SLC16A7: variants seen among roughly 807,000 people sequenced by gnomAD.
The protein encoded by SLC16A7 is solute carrier family 16 member 7.
In SLC16A7, 33 loss-of-function variants were observed where a neutral mutation model predicts 34.9. The observed-to-expected ratio is 0.94, with a 90% CI of 0.72 to 1.26. The LOEUF is 1.26. Ranked by LOEUF, SLC16A7 falls within the 50% of genes most tolerant of loss-of-function variation. The pLI, the probability that SLC16A7 is intolerant of heterozygous loss-of-function variation, is 0.00. For missense variants in SLC16A7, 573 were observed against 578.1 expected, an observed-to-expected ratio of 0.99 and a Z score of 0.09; for synonymous variants, 201 against 206.6, an observed-to-expected ratio of 0.97 and a Z score of 0.23.
intron 3 of SLC16A7, among the ~76,000 whole-genome samples, chr12:59,752,605 T>C (rs1377083171): frequency 6.6e-6 from 1 of 151,794 alleles, no homozygotes; most frequent in Non-Finnish European, 1.5e-5. Context: ...TGGGACTATG[T>C]GAAAAGACCA....
In SLC16A7 at chr12:59,769,746, T is replaced by C. The variant is rs897969299; in HGVS notation, c.218-1473T>C. Among the ~76,000 whole-genome samples, 10 of 152,122 alleles carry C rather than the reference T, an allele frequency of 6.6e-5. No individual in the cohort carries two copies. The South Asian group carries it at 1.2e-3, about 19-fold the overall frequency. ...TTGATAAGTGAATCTCAATGTGTTT[T>C]ATATATGATCCATGTAAAAATTCTC... is the stretch of plus-strand genomic sequence containing the variant. On this transcript the variant is annotated intron_variant, in intron 3 of 5. Transcript: ENST00000547379.
chr12:59,647,655 G>T (rs1343015267), intron 1 of SLC16A7, among the ~76,000 whole-genome samples: 1 of 152,132 alleles, frequency 6.6e-6, no homozygotes, highest in Non-Finnish European at 1.5e-5. Context: ...AGAAGAAAAT[G>T]AATGAAGGAC....
Position 59,779,488 on chromosome 12 carries a change from G to A in SLC16A7, c.1246G>A (p.Ala416Thr). ...CATGTCCTGTGGGGCTATTGTGGTA[G>A]CAGCAAGCGTGTGGCTGCTCATTGG... ...MYMSCGAIVV[A>T]ASVWLLIGNA... Residue 416 changes from alanine (A) to threonine (T), a missense_variant, in exon 6 of 6, where the codon GCA becomes ACA. By Grantham distance (58) the Ala-to-Thr change is moderately conservative (BLOSUM62 0). Transcript: ENST00000547379. 2 of 1,612,410 alleles carry A rather than the reference G, an allele frequency of 1.2e-6. No individual in the cohort carries two copies. The highest frequency in any genetic ancestry group is 1.1e-5 in the South Asian group (1 of 91,040).
intron 2 of SLC16A7, among the ~76,000 whole-genome samples, chr12:59,669,276 A>T (rs1869470099): frequency 6.6e-6 from 1 of 152,244 alleles, no homozygotes; most frequent in Non-Finnish European, 1.5e-5. Context: ...AACAATCCAC[A>T]TACAATTTGA....
chr12:59,769,453 C>A (rs1242311834), intron 3 of SLC16A7: 1 of 152,038 alleles, frequency 6.6e-6, no homozygotes, highest in Non-Finnish European at 1.5e-5. Context: ...ACAACTTGTA[C>A]AATTTTCTTT....
At chr12:59,646,664 C>T (rs1286060880) in intron 1 of SLC16A7, among the ~76,000 whole-genome samples, 2 of 152,062 alleles carry the variant, frequency 1.3e-5, no homozygotes, top group African/African-American at 2.4e-5. Flanking sequence ...GCCACCATCC[C>T]CTGGAACCCA....
intron 3 of SLC16A7, among the ~76,000 whole-genome samples, chr12:59,731,980 A>G (rs1337505517): frequency 6.6e-6 from 1 of 152,162 alleles, no homozygotes; most frequent in African/African-American, 2.4e-5. Context: ...GATATTTATC[A>G]ATGACAAATT....
chr12:59,598,390 G>T (rs1417540487), intron 1 of SLC16A7, among the ~76,000 whole-genome samples: 1 of 152,200 alleles, frequency 6.6e-6, no homozygotes, highest in South Asian at 2.1e-4. Flanking sequence ...CCCTACCAGG[G>T]TTGCCAAGAT....
chr12:59,621,753 T>C (rs1224855352), intron 1 of SLC16A7, among the ~76,000 whole-genome samples: 3 of 152,000 alleles, frequency 2.0e-5, no homozygotes, highest in Admixed American at 6.6e-5. Flanking sequence ...TAAGAAAGTA[T>C]GATTTTAAAA....
intron 3 of SLC16A7, among the ~76,000 whole-genome samples, chr12:59,754,899 T>G (rs536830713): frequency 6.6e-6 from 1 of 152,040 alleles, no homozygotes. Flanking sequence ...CATCAAAAAG[T>G]TTATCCACCA....
chr12:59,727,027 G>T (rs1265019432), intron 3 of SLC16A7, among the ~76,000 whole-genome samples: 4 of 151,692 alleles, frequency 2.6e-5, no homozygotes, highest in African/African-American at 9.7e-5. Context: ...CAATCAAAAG[G>T]AGTGATCATG....
In SLC16A7 at chr12:59,779,752, G is replaced by T. The variant is rs1037613324; in HGVS notation, c.*73G>T. ...TTGTTTTTCATTTTGTTTTTTTAAAGTATTAGAAAAGGTTTTAGCTGAAAT... is the reference window on the plus strand; with the variant it reads ...TTGTTTTTCATTTTGTTTTTTTAAATTATTAGAAAAGGTTTTAGCTGAAAT... On this transcript the variant is annotated 3_prime_UTR_variant, in exon 6 of 6. Coordinates refer to ENST00000547379, the MANE Select transcript of SLC16A7 (RefSeq NM_001270623.2). The T allele has an allele frequency of 7.8e-7, 1 of 1,276,210 alleles. No homozygotes were observed. Among genetic ancestry groups the T allele is most frequent in the Non-Finnish European group, 1.1e-6 (1 of 928,274 alleles). 79.1% of individuals were successfully genotyped at this position (1,276,210 alleles called of 1,614,324 possible).
At chr12:59,641,991 T>C (rs1249821988) in intron 1 of SLC16A7, among the ~76,000 whole-genome samples, 1 of 151,980 alleles carries the variant, frequency 6.6e-6, no homozygotes, top group Non-Finnish European at 1.5e-5. Flanking sequence ...ACCATATGTT[T>C]TCTAATATTG....
rs116745344 is a variant in SLC16A7, at chr12:59,641,009, A to G, written c.-129-14143A>G. Among the ~76,000 whole-genome samples, 920 of 152,150 alleles carry G rather than the reference A, an allele frequency of 6.0e-3. 9 individuals are homozygous for G. Among genetic ancestry groups the G allele is most frequent in the African/African-American group, 0.021 (880 of 41,542 alleles). On this transcript the variant is annotated intron_variant, in intron 1 of 5. Transcript: ENST00000547379. ...CATTTGTATAGAAAATTAAAAATAT[A>G]TATATTTATATGTCTATACATACAT...
intron 3 of SLC16A7, among the ~76,000 whole-genome samples, chr12:59,739,651 GT>G (rs1878054701): frequency 6.6e-6 from 1 of 151,280 alleles, no homozygotes; most frequent in Non-Finnish European, 1.5e-5. Flanking sequence ...CTAGTTTACA[GT>G]CCCACCAACA....
In SLC16A7 at chr12:59,754,616, T is replaced by C. The variant is rs542463301; in HGVS notation, c.218-16603T>C. 5.5e-3 allele frequency among the ~76,000 whole-genome samples: 839 copies of C among 152,238 alleles called. 2 individuals are homozygous for C. Among genetic ancestry groups the C allele is most frequent in the African/African-American group, 0.02 (814 of 41,536 alleles). ...GCTCTGAAATTGTGGCAATAATCAATAGCTTACCAACCAAAAAGAGTCCAG... is the reference window on the plus strand; with the variant it reads ...GCTCTGAAATTGTGGCAATAATCAACAGCTTACCAACCAAAAAGAGTCCAG... On this transcript the variant is annotated intron_variant, in intron 3 of 5. Coordinates refer to ENST00000547379, the MANE Select transcript of SLC16A7 (RefSeq NM_001270623.2).
intron 2 of SLC16A7, among the ~76,000 whole-genome samples, chr12:59,683,771 A>G (rs1870930014): frequency 6.6e-6 from 1 of 152,208 alleles, no homozygotes; most frequent in Admixed American, 6.5e-5. Flanking sequence ...ATGTAAAGAG[A>G]AAAGAGCCAA....
chr12:59,598,968 AT>A (rs1308739199), intron 1 of SLC16A7, among the ~76,000 whole-genome samples: 2 of 152,200 alleles, frequency 1.3e-5, no homozygotes, highest in African/African-American at 4.8e-5. Flanking sequence ...AGAAAAAAGA[AT>A]TTATGCCCAG....
At chr12:59,753,564 A>T (rs1462496546) in intron 3 of SLC16A7, among the ~76,000 whole-genome samples, 1 of 151,992 alleles carries the variant, frequency 6.6e-6, no homozygotes, top group East Asian at 1.9e-4. Flanking sequence ...AACTATCCTA[A>T]ATATATATGC....
Sources: gnomAD v4.1 joint callset for allele counts (sites outside exome capture counted in the v4.1 genomes callset) on GRCh38, gnomAD v4.1.1 for gene constraint, MANE v1.5 for transcripts, NCBI Gene and HGNC (gene_info 2026-07-23, HGNC 2026-07-21) for gene names.